The following MYO3B variants were observed in gnomAD, a reference collection of about 807,000 sequenced individuals.
The protein encoded by MYO3B is myosin-IIIb.
MYO3B carries 156 observed loss-of-function variants against 174.6 expected under a neutral mutation model. The ratio of observed to expected loss-of-function variants is 0.89; its 90% CI spans 0.78 to 1.02. The LOEUF (loss-of-function observed/expected upper bound fraction) is 1.02, where lower values mean the gene tolerates loss of function less well. Among genes scored for constraint, MYO3B ranks in the 50% least tolerant of loss-of-function variants. The probability of loss-of-function intolerance (pLI) is 0.00; values close to 1 mark genes in which losing one functional copy is unlikely to be tolerated. For synonymous variants in MYO3B, 563 were observed against 569.1 expected, an observed-to-expected ratio of 0.99 and a Z score of 0.15; for missense variants, 1,632 against 1,639.4, an observed-to-expected ratio of 1.00 and a Z score of 0.08.
At chr2:170,379,960 A>G (rs2105728730) in intron 9 of MYO3B, among the ~76,000 whole-genome samples, 1 of 152,374 alleles carries the variant, frequency 6.6e-6, no homozygotes, top group Non-Finnish European at 1.5e-5. Flanking sequence ...TTATAAACTC[A>G]AGACTCAATA....
intron 32 of MYO3B, chr2:170,641,035 C>G (rs1697912354): frequency 6.6e-6 from 1 of 152,150 alleles, no homozygotes; most frequent in South Asian, 2.1e-4. Context: ...AACAGGCATA[C>G]CCACACCTGT....
intron 24 of MYO3B, among the ~76,000 whole-genome samples, chr2:170,464,112 G>A (rs1319235624): frequency 2.0e-5 from 3 of 152,164 alleles, no homozygotes; most frequent in Non-Finnish European, 4.4e-5. Context: ...AGCATTTTGG[G>A]AGGCTGAGGC....
At chr2:170,474,173 A>G (rs1685163872) in intron 25 of MYO3B, among the ~76,000 whole-genome samples, 1 of 152,110 alleles carries the variant, frequency 6.6e-6, no homozygotes, top group Non-Finnish European at 1.5e-5. Flanking sequence ...CTCTCCTTAC[A>G]TGTTGGCAAA....
chr2:170,495,769 C>T (rs975241993), intron 25 of MYO3B, among the ~76,000 whole-genome samples: 1 of 152,222 alleles, frequency 6.6e-6, no homozygotes, highest in Non-Finnish European at 1.5e-5. Flanking sequence ...GCCGGTGGAA[C>T]CCATGTTGTA....
intron 32 of MYO3B, among the ~76,000 whole-genome samples, chr2:170,561,905 A>G (rs971677772): frequency 6.6e-6 from 1 of 152,192 alleles, no homozygotes; most frequent in Non-Finnish European, 1.5e-5. Context: ...GCAGGTTGCT[A>G]TAGTCTTTTT....
chr2:170,542,716 G>A (rs1378141925), intron 30 of MYO3B, among the ~76,000 whole-genome samples, 190 bp from the exon 31 acceptor site: 1 of 152,184 alleles, frequency 6.6e-6, no homozygotes, highest in Non-Finnish European at 1.5e-5. Flanking sequence ...GCTGTAACAT[G>A]TAGGAGCAAC....
chr2:170,410,057 A>T (rs1356952631), intron 22 of MYO3B, among the ~76,000 whole-genome samples: 1 of 152,148 alleles, frequency 6.6e-6, no homozygotes, highest in Non-Finnish European at 1.5e-5. Context: ...TGATGTTCCC[A>T]CTAGAAGCAA....
In MYO3B at chr2:170,259,753, G is replaced by A. The variant is rs142160312; in HGVS notation, c.749+23617G>A. Among the ~76,000 whole-genome samples the A allele has an allele frequency of 1.9e-3, 295 of 152,154 alleles. 1 individual carries two copies. The highest frequency in any genetic ancestry group is 6.7e-3 in the African/African-American group (277 of 41,528). ...GTGGGACACATTAAGCTTTTGCATAGCAAAATAAAATATCAATAAATGGAT... is the reference window on the plus strand; with the variant it reads ...GTGGGACACATTAAGCTTTTGCATAACAAAATAAAATATCAATAAATGGAT... On this transcript the variant is annotated intron_variant, in intron 7 of 34. Coordinates refer to ENST00000408978, the MANE Select transcript of MYO3B (RefSeq NM_138995.5).
rs79589364 is a variant in MYO3B, at chr2:170,529,789, T to G, written c.3575+10249T>G. 9.3e-3 allele frequency among the ~76,000 whole-genome samples: 1,423 copies of G among 152,296 alleles called. 29 individuals carry two copies. The highest frequency in any genetic ancestry group is 0.032 in the African/African-American group (1,342 of 41,572). On this transcript the variant is annotated intron_variant, in intron 30 of 34. Coordinates refer to ENST00000408978, the MANE Select transcript of MYO3B (RefSeq NM_138995.5). ...AAACAAAATTTTGTAAAAATGAACTTTATATAAGAGTGCTTCATTATCAAC... is the reference window on the plus strand; with the variant it reads ...AAACAAAATTTTGTAAAAATGAACTGTATATAAGAGTGCTTCATTATCAAC...
chr2:170,321,338 T>C (rs567788731), intron 7 of MYO3B, among the ~76,000 whole-genome samples: 1 of 152,190 alleles, frequency 6.6e-6, no homozygotes, highest in East Asian at 1.9e-4. Context: ...TGTAGAAACA[T>C]AGTAGAACCA....
At chr2:170,389,297 A>C (rs1231960665) in intron 14 of MYO3B, among the ~76,000 whole-genome samples, 2 of 152,162 alleles carry the variant, frequency 1.3e-5, no homozygotes, top group African/African-American at 4.8e-5. Flanking sequence ...GGGTGTGGTC[A>C]TATAACTGGT....
intron 7 of MYO3B, among the ~76,000 whole-genome samples, chr2:170,324,520 C>T (rs111883676): frequency 9.8e-4 from 149 of 152,312 alleles, no homozygotes; most frequent in African/African-American, 3.3e-3. Flanking sequence ...AGTCAGTTGA[C>T]GATAGCTTGA....
At chr2:170,202,289 CTT>C (rs2092670365) in intron 3 of MYO3B, among the ~76,000 whole-genome samples, 1 of 152,180 alleles carries the variant, frequency 6.6e-6, no homozygotes, top group Non-Finnish European at 1.5e-5. Flanking sequence ...TCATTTATGA[CTT>C]TTGCTGGTTG....
intron 7 of MYO3B, among the ~76,000 whole-genome samples, chr2:170,267,343 C>T (rs2093391927): frequency 6.6e-6 from 1 of 152,166 alleles, no homozygotes; most frequent in Non-Finnish European, 1.5e-5. Flanking sequence ...ATTCCTTATG[C>T]CCACATTCCA....
At chr2:170,641,858 TGGGGGG>T (rs71008706) in intron 32 of MYO3B, among the ~76,000 whole-genome samples, 2 of 28,856 alleles carry the variant, frequency 6.9e-5, no homozygotes, top group African/African-American at 7.3e-4. Flanking sequence ...TATTGTTAAG[TGGGGGG>T]GGGGGGGGAG....
At chr2:170,196,618 C>A (rs190687517) in intron 1 of MYO3B, among the ~76,000 whole-genome samples, 1 of 152,178 alleles carries the variant, frequency 6.6e-6, no homozygotes, top group African/African-American at 2.4e-5. Flanking sequence ...GCTGTCTTTC[C>A]TTCTCTGTCC....
chr2:170,260,547 C>CT (rs1369905574), intron 7 of MYO3B, among the ~76,000 whole-genome samples: 1 of 152,142 alleles, frequency 6.6e-6, no homozygotes, highest in Non-Finnish European at 1.5e-5. Flanking sequence ...ACACTGGGGA[C>CT]TACTGGAGTT....
intron 32 of MYO3B, among the ~76,000 whole-genome samples, chr2:170,614,946 A>G (rs1348589713): frequency 1.3e-5 from 2 of 151,970 alleles, no homozygotes; most frequent in Non-Finnish European, 2.9e-5. Flanking sequence ...CTTGCTCACT[A>G]ATCTAGCTTT....
At chr2:170,234,517 T>C (rs2093050070) in intron 6 of MYO3B, among the ~76,000 whole-genome samples, 1 of 152,230 alleles carries the variant, frequency 6.6e-6, no homozygotes, top group Non-Finnish European at 1.5e-5. Flanking sequence ...ATTAAATTTC[T>C]AACACATGAA....
Sources: allele counts gnomAD v4.1 joint callset (sites outside exome capture counted in the v4.1 genomes callset), GRCh38; gene constraint gnomAD v4.1.1; transcripts MANE v1.5; gene names NCBI Gene and HGNC (gene_info 2026-07-23, HGNC 2026-07-21).